Variants in ZC3H18 observed in about 807,000 individuals in gnomAD.
ZC3H18 encodes zinc finger CCCH domain-containing protein 18.
Under a neutral mutation model 106.1 loss-of-function variants are expected in ZC3H18, and 8 were observed. The ratio of observed to expected loss-of-function variants is 0.08; its 90% CI spans 0.04 to 0.14. The LOEUF (loss-of-function observed/expected upper bound fraction) is 0.14, where lower values mean the gene tolerates loss of function less well. Among genes scored for constraint, ZC3H18 ranks in the 10% least tolerant of loss-of-function variants. ZC3H18 has a pLI of 1.00. For missense variants in ZC3H18, 1,318 were observed against 1,278.4 expected, an observed-to-expected ratio of 1.03 and a Z score of -0.47; for synonymous variants, 635 against 522.1, an observed-to-expected ratio of 1.22 and a Z score of -2.95.
chr16:88,580,201 T>A (rs750937737), intron 2 of ZC3H18, among the ~76,000 whole-genome samples: 1,486 of 75,242 alleles, frequency 0.02, 8 homozygotes, highest in South Asian at 0.023. Flanking sequence ...TGTGTGTGTG[T>A]GTGTGTGTAT....
intron 3 of ZC3H18, 129 bp downstream of exon 3, chr16:88,586,813 T>G (rs1597327202): frequency 3.6e-6 from 2 of 558,794 alleles, no homozygotes; most frequent in Non-Finnish European, 6.6e-6. Context: ...GGCTAGGTGG[T>G]GGTGGTGGTG....
chr16:88,589,467 C>G (rs1187754576), intron 3 of ZC3H18, among the ~76,000 whole-genome samples: 1 of 152,248 alleles, frequency 6.6e-6, no homozygotes, highest in Non-Finnish European at 1.5e-5. Flanking sequence ...CAGTGGAATG[C>G]TACTTGGCCA....
chr16:88,605,425 G>A lies in ZC3H18; in HGVS notation c.1089-3509G>A, dbSNP rs917878017. ...ACCAGGTCGACCATGCTGGGTTGGG[G>A]TGAGGGCAAGAGGCAGCAGGGGGCT... On this transcript the variant is annotated intron_variant, in intron 6 of 17. Coordinates refer to ENST00000301011, the MANE Select transcript of ZC3H18 (RefSeq NM_144604.4). Among the ~76,000 whole-genome samples the A allele has an allele frequency of 5.3e-5, 8 of 152,374 alleles. 1 individual carries two copies. In the South Asian group the frequency reaches 1.2e-3, roughly 24 times the overall value.
At chr16:88,591,632 T>A (rs1176536589) in intron 3 of ZC3H18, among the ~76,000 whole-genome samples, 2 of 152,188 alleles carry the variant, frequency 1.3e-5, no homozygotes, top group Non-Finnish European at 2.9e-5. Context: ...ATTGGGTGTT[T>A]CCCTCATCTG....
intron 16 of ZC3H18, chr16:88,630,047 C>T (rs1053838365): frequency 1.2e-5 from 2 of 161,894 alleles, no homozygotes; most frequent in African/African-American, 2.4e-5. Context: ...CTCGCACCAG[C>T]CTTGGGCCTG....
intron 8 of ZC3H18, among the ~76,000 whole-genome samples, chr16:88,613,919 A>G (rs1905414742): frequency 1.3e-5 from 2 of 151,686 alleles, no homozygotes; most frequent in Admixed American, 1.3e-4. Context: ...TGACAGAGAG[A>G]GACCCTGTCT....
At chr16:88,577,777 C>T in intron 2 of ZC3H18, 51 bp downstream of exon 2, 1 of 1,611,108 alleles carries the variant, frequency 6.2e-7, no homozygotes, top group Non-Finnish European at 8.5e-7. Context: ...AGCAGCCTGA[C>T]ATAGACTGGT....
chr16:88,625,367 C>A, intron 13 of ZC3H18, 100 bp downstream of exon 13: 1 of 1,455,914 alleles, frequency 6.9e-7, no homozygotes, highest in Non-Finnish European at 9.4e-7. Flanking sequence ...CACAGGTGGG[C>A]TGGGGCCCTT....
rs1009492198 is a variant in ZC3H18, at chr16:88,593,087, G to A, written c.689-5091G>A. Among the ~76,000 whole-genome samples the A allele has an allele frequency of 2.6e-5, 4 of 152,304 alleles. No individual in the cohort carries two copies. The South Asian group carries it at 8.3e-4, about 32-fold the overall frequency. ...AATAGAGCAATTGTAATAAAAATGT[G>A]AATGTGATCTCTCAAAAGAGCTCAC... On this transcript the variant is annotated intron_variant, in intron 3 of 17. Transcript: ENST00000301011.
Position 88,577,647 on chromosome 16 carries a change from G to A in ZC3H18, c.524G>A (p.Gly175Glu), listed in dbSNP as rs1048040774. The change falls in exon 2 of 18, where the codon GGA (glycine) becomes GAA (glutamate). Residue 175 changes from glycine (G) to glutamate (E), a missense_variant. Physicochemically the swap from Gly to Glu is moderately conservative, Grantham distance 98. Transcript: ENST00000301011. Reference protein sequence around the residue: ...EEGKAGVQSVGEKESLEAAKE... With the variant: ...EEGKAGVQSVEEKESLEAAKE... ...GGGAAGGCTGGTGTTCAGAGTGTGG[G>A]AGAAAAGGAATCCCTGGAGGCTGCC... 7 of 1,613,856 alleles carry A rather than the reference G, an allele frequency of 4.3e-6. No individual in the cohort carries two copies. Among genetic ancestry groups the A allele is most frequent in the African/African-American group, 4.0e-5 (3 of 74,908 alleles).
At position 88,611,312 on chromosome 16, in the gene ZC3H18, CGAGCGGGAGCGG is replaced by C. The variant is rs529387142; in HGVS notation, c.1260_1271del (p.Glu420_Arg423del). On this transcript the variant is annotated inframe_deletion, in exon 8 of 18. Transcript: ENST00000301011. The stretch of plus-strand genomic sequence containing the variant: ...AGAGAGAGAACAGACAGCGCGAGCG[CGAGCGGGAGCGG>C]GAGCGGGACCGAGAGCGGGAGCGCC... 1.4e-5 allele frequency: 10 copies of C among 737,948 alleles called. No homozygotes were observed. Among genetic ancestry groups the C allele is most frequent in the Admixed American group, 3.9e-5 (2 of 51,502 alleles). The allele number at this position is 737,948 out of a possible 1,614,324, so 45.7% of individuals were successfully genotyped here.
intron 7 of ZC3H18, among the ~76,000 whole-genome samples, chr16:88,610,286 G>C (rs908835672): frequency 3.3e-5 from 5 of 152,138 alleles, no homozygotes; most frequent in Non-Finnish European, 5.9e-5. Flanking sequence ...GTGACTGCAG[G>C]GACAGTCATG....
intron 2 of ZC3H18, among the ~76,000 whole-genome samples, chr16:88,581,306 C>T (rs901213821): frequency 2.1e-4 from 32 of 152,344 alleles, no homozygotes; most frequent in Admixed American, 3.3e-4. Context: ...CATTCTTTTT[C>T]AGAAGCGCTT....
intron 8 of ZC3H18, among the ~76,000 whole-genome samples, chr16:88,621,854 G>A (rs959923506): frequency 3.3e-5 from 5 of 152,142 alleles, no homozygotes; most frequent in South Asian, 2.1e-4. Context: ...TATTAGACAC[G>A]GCAGACACCA....
intron 3 of ZC3H18, among the ~76,000 whole-genome samples, chr16:88,586,957 A>T (rs1042005324): frequency 1.3e-5 from 2 of 152,178 alleles, no homozygotes; most frequent in Admixed American, 6.5e-5. Context: ...GGCCCTTCCG[A>T]TCGCAGCAGA....
chr16:88,595,921 T>TA (rs1904414250), intron 3 of ZC3H18, among the ~76,000 whole-genome samples: 1 of 152,206 alleles, frequency 6.6e-6, no homozygotes, highest in African/African-American at 2.4e-5. Flanking sequence ...CCTACACAGA[T>TA]AAAAGTTCAC....
At chr16:88,619,434 C>T (rs779556542) in intron 8 of ZC3H18, among the ~76,000 whole-genome samples, 22 of 152,170 alleles carry the variant, frequency 1.4e-4, no homozygotes, top group Non-Finnish European at 2.5e-4. Context: ...CCGGCGGCAG[C>T]GGAGGGCGCG....
Position 88,631,676 on chromosome 16 carries a change from C to G in ZC3H18, c.*377C>G, listed in dbSNP as rs1480205217. The stretch of plus-strand genomic sequence containing the variant: ...AGCCCGGGTCCAGGCAGCCAGGCTC[C>G]CTCCTGAGCTGAGAAACGGAACCTC... On this transcript the variant is annotated 3_prime_UTR_variant, in exon 18 of 18. Coordinates refer to ENST00000301011, the MANE Select transcript of ZC3H18 (RefSeq NM_144604.4). 1 of 465,508 alleles carries G rather than the reference C, an allele frequency of 2.1e-6. No homozygotes were observed. The allele number at this position is 465,508 out of a possible 1,614,324, so 28.8% of individuals were successfully genotyped here.
chr16:88,628,666 G>T, intron 15 of ZC3H18, 92 bp from the exon 16 acceptor site: 1 of 1,375,168 alleles, frequency 7.3e-7, no homozygotes, highest in Non-Finnish European at 1.0e-6. Context: ...GAGCAGAGCA[G>T]GTTGCTGGCA....
Sources: gnomAD v4.1 joint callset for allele counts (sites outside exome capture counted in the v4.1 genomes callset) on GRCh38, gnomAD v4.1.1 for gene constraint, MANE v1.5 for transcripts, NCBI Gene and HGNC (gene_info 2026-07-23, HGNC 2026-07-21) for gene names.